PCSK2: variants seen among roughly 807,000 people sequenced by gnomAD.
PCSK2 encodes proprotein convertase subtilisin/kexin type 2.
Under a neutral mutation model 69.7 loss-of-function variants are expected in PCSK2, and 14 were observed. That is an observed-to-expected ratio of 0.20 (90% CI 0.13 to 0.31). PCSK2 has a LOEUF of 0.31. Among genes scored for constraint, PCSK2 ranks in the 10% least tolerant of loss-of-function variants. The probability of loss-of-function intolerance (pLI) is 1.00; values close to 1 mark genes in which losing one functional copy is unlikely to be tolerated. For synonymous variants in PCSK2, 307 were observed against 320.7 expected (o/e 0.96, Z 0.46); for missense variants, 544 against 842.5 (o/e 0.65, Z 4.39).
intron 5 of PCSK2, among the ~76,000 whole-genome samples, chr20:17,384,546 G>C (rs544570585): frequency 6.6e-6 from 1 of 152,034 alleles, no homozygotes; most frequent in Non-Finnish European, 1.5e-5. Flanking sequence ...AGGTTGCAGT[G>C]AGCCAAGATA....
intron 10 of PCSK2, among the ~76,000 whole-genome samples, chr20:17,457,351 C>T (rs1321516775): frequency 6.6e-6 from 1 of 152,142 alleles, no homozygotes; most frequent in African/African-American, 2.4e-5. Context: ...TGTCTCTCTC[C>T]ACATAGGCAG....
intron 2 of PCSK2, among the ~76,000 whole-genome samples, chr20:17,332,135 G>T (rs1224688390): frequency 6.6e-6 from 1 of 152,140 alleles, no homozygotes; most frequent in Non-Finnish European, 1.5e-5. Flanking sequence ...GAAACTTGCA[G>T]GTGTTCACAG....
intron 6 of PCSK2, among the ~76,000 whole-genome samples, chr20:17,410,292 C>G (rs1294918483): frequency 1.3e-5 from 2 of 152,144 alleles, no homozygotes; most frequent in Non-Finnish European, 2.9e-5. Flanking sequence ...CAAATTATTT[C>G]CAAATCCACA....
intron 7 of PCSK2, 133 bp downstream of exon 7, chr20:17,429,656 T>G (rs1445810924): frequency 5.2e-6 from 3 of 580,974 alleles, no homozygotes; most frequent in Admixed American, 6.6e-5. Flanking sequence ...GAAAAAAATT[T>G]TTTTCTTTTA....
intron 2 of PCSK2, among the ~76,000 whole-genome samples, chr20:17,313,167 A>T (rs983086644): frequency 6.6e-6 from 1 of 152,332 alleles, no homozygotes; most frequent in Admixed American, 6.5e-5. Context: ...CAATATTCTA[A>T]ACTACATTAG....
chr20:17,426,413 G>T (rs543901186), intron 6 of PCSK2, among the ~76,000 whole-genome samples: 2 of 152,190 alleles, frequency 1.3e-5, no homozygotes, highest in Non-Finnish European at 2.9e-5. Context: ...CTTCATAGCA[G>T]TGTGAAAACA....
At chr20:17,396,822 G>T (rs767812586) in intron 5 of PCSK2, among the ~76,000 whole-genome samples, 5 of 152,134 alleles carry the variant, frequency 3.3e-5, no homozygotes, top group Non-Finnish European at 5.9e-5. Flanking sequence ...GTCTTGCCAT[G>T]TTGCCCAGGC....
chr20:17,318,283 A>C (rs968307460), intron 2 of PCSK2, among the ~76,000 whole-genome samples: 1 of 152,192 alleles, frequency 6.6e-6, no homozygotes, highest in African/African-American at 2.4e-5. Context: ...TGCACTGTTT[A>C]GAGGTTCTGC....
At chr20:17,432,367 A>G (rs2032385436) in intron 7 of PCSK2, among the ~76,000 whole-genome samples, 1 of 152,214 alleles carries the variant, frequency 6.6e-6, no homozygotes, top group Non-Finnish European at 1.5e-5. Context: ...GTAGACCCGC[A>G]CATACGGGAT....
chr20:17,418,821 A>G (rs1402904226), intron 6 of PCSK2, among the ~76,000 whole-genome samples: 2 of 152,176 alleles, frequency 1.3e-5, no homozygotes, highest in South Asian at 2.1e-4. Flanking sequence ...GCTCTTGAGA[A>G]AGGCTGGTGT....
intron 5 of PCSK2, among the ~76,000 whole-genome samples, chr20:17,389,527 G>C (rs138460093): frequency 8.5e-4 from 129 of 152,094 alleles, no homozygotes; most frequent in Non-Finnish European, 1.5e-3. Context: ...CATGGAAAGG[G>C]TGTGAACAGA....
intron 2 of PCSK2, among the ~76,000 whole-genome samples, chr20:17,267,102 C>G: frequency 6.6e-6 from 1 of 152,072 alleles, no homozygotes; most frequent in Non-Finnish European, 1.5e-5. Context: ...CTCTCCGTGC[C>G]CAATCCAGCT....
Position 17,261,889 on chromosome 20 carries a change from C to A in PCSK2, c.282+1545C>A, listed in dbSNP as rs76792167. Among the ~76,000 whole-genome samples, 21 of 152,288 alleles carry A rather than the reference C, an allele frequency of 1.4e-4. No individual in the cohort carries two copies. The East Asian group carries it at 4.1e-3, about 29-fold the overall frequency. ...AGTCCCATTGGCTACTCTTCTTCCA[C>A]GATTAAAGGCGTTGCTCCAAGATTA... On this transcript the variant is annotated intron_variant, in intron 2 of 11. Coordinates refer to ENST00000262545, the MANE Select transcript of PCSK2 (RefSeq NM_002594.5).
intron 2 of PCSK2, among the ~76,000 whole-genome samples, chr20:17,288,489 C>A (rs1988592797): frequency 6.6e-6 from 1 of 152,188 alleles, no homozygotes; most frequent in South Asian, 2.1e-4. Context: ...TGCAGCAATG[C>A]CACGGCTCAT....
intron 2 of PCSK2, among the ~76,000 whole-genome samples, chr20:17,311,617 T>C (rs1196483941): frequency 6.6e-6 from 1 of 152,150 alleles, no homozygotes; most frequent in East Asian, 1.9e-4. Context: ...TTGACAAAGA[T>C]GGATGTGTCT....
intron 1 of PCSK2, among the ~76,000 whole-genome samples, 186 bp from the exon 2 acceptor site, chr20:17,260,054 A>G (rs1987318181): frequency 6.6e-6 from 1 of 152,138 alleles, no homozygotes; most frequent in Non-Finnish European, 1.5e-5. Flanking sequence ...GAACAAAGGC[A>G]AGGAGAAGAG....
At chr20:17,265,830 G>C (rs1363040841) in intron 2 of PCSK2, among the ~76,000 whole-genome samples, 2 of 152,160 alleles carry the variant, frequency 1.3e-5, no homozygotes, top group African/African-American at 4.8e-5. Context: ...CCTTGACCTT[G>C]AAGCATTAAA....
chr20:17,467,667 C>T (rs1328876644), intron 11 of PCSK2, among the ~76,000 whole-genome samples: 1 of 152,072 alleles, frequency 6.6e-6, no homozygotes, highest in African/African-American at 2.4e-5. Flanking sequence ...ATTATTAGAC[C>T]CCCTGAATTC....
Position 17,312,439 on chromosome 20 carries a change from T to C in PCSK2, c.283-45888T>C, listed in dbSNP as rs1379958559. Among the ~76,000 whole-genome samples, 3 of 152,168 alleles carry C rather than the reference T, an allele frequency of 2.0e-5. 1 individual carries two copies. In the East Asian group the frequency reaches 5.8e-4, roughly 29 times the overall value. Reference sequence around the variant, plus strand: ...CAAAACCATTAACTCATTTGATCCATGTATCAATTCTATGAAGTCAGTAGG... The same window carrying C: ...CAAAACCATTAACTCATTTGATCCACGTATCAATTCTATGAAGTCAGTAGG... On this transcript the variant is annotated intron_variant, in intron 2 of 11. Transcript: ENST00000262545.
Sources: gnomAD v4.1 joint callset for allele counts (sites outside exome capture counted in the v4.1 genomes callset) on GRCh38, gnomAD v4.1.1 for gene constraint, MANE v1.5 for transcripts, NCBI Gene and HGNC (gene_info 2026-07-23, HGNC 2026-07-21) for gene names.